Variants in CALCR observed in about 807,000 individuals in gnomAD.
The protein encoded by CALCR is calcitonin receptor.
CALCR carries 47 observed loss-of-function variants against 59.5 expected under a neutral mutation model. The ratio of observed to expected loss-of-function variants is 0.79; its 90% CI spans 0.63 to 1.01. CALCR has a LOEUF of 1.01. Ranked by LOEUF, CALCR falls within the 50% of genes least tolerant of loss-of-function variation. CALCR has a pLI of 0.00. For missense variants in CALCR, 566 were observed against 597.1 expected, an observed-to-expected ratio of 0.95 and a Z score of 0.54; for synonymous variants, 213 against 211.3, an observed-to-expected ratio of 1.01 and a Z score of -0.07.
chr7:93,568,851 C>T (rs1271215753), intron 2 of CALCR, among the ~76,000 whole-genome samples: 1 of 152,074 alleles, frequency 6.6e-6, no homozygotes, highest in South Asian at 2.1e-4. Flanking sequence ...TTCTACTTAA[C>T]ATCATCACAT....
At chr7:93,531,760 A>G (rs1584610757) in intron 2 of CALCR, among the ~76,000 whole-genome samples, 4 of 152,210 alleles carry the variant, frequency 2.6e-5, no homozygotes, top group Admixed American at 2.6e-4. Context: ...AACAAAAAGA[A>G]AAGTCCCCTA....
intron 13 of CALCR, among the ~76,000 whole-genome samples, chr7:93,429,290 T>G (rs956266515): frequency 2.0e-5 from 3 of 152,144 alleles, no homozygotes; most frequent in Non-Finnish European, 4.4e-5. Context: ...ATGACAAGAA[T>G]AAGGGCATTT....
In CALCR at chr7:93,426,499, C is replaced by T. The variant is rs1384027930; in HGVS notation, c.1282G>A (p.Ala428Thr). The T allele has an allele frequency of 1.9e-6, 3 of 1,613,518 alleles. No homozygotes were observed. Among genetic ancestry groups the T allele is most frequent in the African/African-American group, 1.3e-5 (1 of 74,878 alleles). Reference sequence around the variant, plus strand: ...CCAGCCTCCGCAGCAGCGGCTGCAGCGCGAGCAGAGCGGTTGGAGGGGCGC... The same window carrying T: ...CCAGCCTCCGCAGCAGCGGCTGCAGTGCGAGCAGAGCGGTTGGAGGGGCGC... ...GRRPSNRSAR[A>T]AAAAAEAGDI... Residue 428 changes from alanine (A) to threonine (T), a missense_variant, in exon 14 of 14, where the codon GCT (alanine) becomes ACT (threonine). Physicochemically the swap from Ala to Thr is moderately conservative, Grantham distance 58. Coordinates refer to ENST00000426151, the MANE Select transcript of CALCR (RefSeq NM_001742.4).
intron 5 of CALCR, among the ~76,000 whole-genome samples, chr7:93,475,026 T>C (rs1800638116): frequency 6.6e-6 from 1 of 151,692 alleles, no homozygotes. Context: ...ATATTTAAAA[T>C]AATTTTCTAT....
intron 8 of CALCR, among the ~76,000 whole-genome samples, chr7:93,457,792 G>A (rs1584550600): frequency 6.6e-6 from 1 of 152,234 alleles, no homozygotes; most frequent in East Asian, 1.9e-4. Flanking sequence ...CTGGTTATAG[G>A]CGGCGATCAC....
chr7:93,548,839 A>AGTGTGTGTGT (rs754317267), intron 2 of CALCR, among the ~76,000 whole-genome samples: 2,306 of 137,388 alleles, frequency 0.017, 29 homozygotes, highest in East Asian at 0.043. Context: ...ATCCAGAAGA[A>AGTGTGTGTGT]GTGTGTGTGT....
At position 93,486,931 on chromosome 7, in the gene CALCR, A is replaced by T; in HGVS notation, c.51T>A (p.Asn17Lys). ...SRCLALFLLLNHPTPILPAFS... is the reference protein window; with the variant it reads ...SRCLALFLLLKHPTPILPAFS... ...CTTTGAATACTTTTGTTTTACTTAC[A>T]TTTAGAAGAAGAAACAGTGCCAAGC... The change falls in exon 3 of 14, where the codon AAT becomes AAA. Residue 17 changes from asparagine (N) to lysine (K), a missense_variant and splice_region_variant. Coordinates refer to ENST00000426151, the MANE Select transcript of CALCR (RefSeq NM_001742.4). The T allele has an allele frequency of 3.8e-6, 6 of 1,569,374 alleles. No homozygotes were observed. The highest frequency in any genetic ancestry group is 5.2e-6 in the Non-Finnish European group (6 of 1,144,050).
intron 8 of CALCR, among the ~76,000 whole-genome samples, chr7:93,453,206 T>C (rs756204264): frequency 2.0e-5 from 3 of 152,074 alleles, no homozygotes; most frequent in African/African-American, 4.8e-5. Context: ...ATACAAATAA[T>C]GACAGCTGAT....
At chr7:93,475,693 G>T (rs1800652740) in intron 5 of CALCR, among the ~76,000 whole-genome samples, 1 of 151,680 alleles carries the variant, frequency 6.6e-6, no homozygotes, top group East Asian at 1.9e-4. Context: ...TTTTTGTTTT[G>T]TTTTAACTAA....
intron 8 of CALCR, among the ~76,000 whole-genome samples, chr7:93,450,677 A>T (rs1800090950): frequency 6.6e-6 from 1 of 151,876 alleles, no homozygotes; most frequent in Non-Finnish European, 1.5e-5. Flanking sequence ...TCTTTCTAGC[A>T]TCTCCCTGTC....
At chr7:93,443,400 G>T (rs923287859) in intron 9 of CALCR, among the ~76,000 whole-genome samples, 17 of 152,028 alleles carry the variant, frequency 1.1e-4, no homozygotes, top group African/African-American at 3.4e-4. Context: ...TCTCTGTGCA[G>T]ACCCTCATGT....
chr7:93,501,280 C>G lies in CALCR; in HGVS notation c.-26-14273G>C, dbSNP rs190034083. On this transcript the variant is annotated intron_variant, in intron 2 of 13. Transcript: ENST00000426151. ...TAATTTTTCAGGTGAACTGAACATC[C>G]TGCTTTATTCAAGAAAGCTTAGTCC... Among the ~76,000 whole-genome samples the G allele has an allele frequency of 3.9e-5, 6 of 152,162 alleles. No individual in the cohort carries two copies. The East Asian group carries it at 9.7e-4, about 25-fold the overall frequency.
intron 2 of CALCR, among the ~76,000 whole-genome samples, chr7:93,503,736 T>A (rs1253442758): frequency 6.6e-6 from 1 of 152,176 alleles, no homozygotes; most frequent in Non-Finnish European, 1.5e-5. Context: ...GTTATACTTG[T>A]CTCACCTTAA....
intron 8 of CALCR, among the ~76,000 whole-genome samples, chr7:93,454,617 A>C (rs1800171606): frequency 7.5e-6 from 1 of 133,018 alleles, no homozygotes; most frequent in African/African-American, 3.9e-5. Flanking sequence ...AGATAGAACA[A>C]AAAAAAAAAA....
At chr7:93,430,938 T>C in intron 13 of CALCR, among the ~76,000 whole-genome samples, 1 of 152,244 alleles carries the variant, frequency 6.6e-6, no homozygotes, top group Non-Finnish European at 1.5e-5. Context: ...GACATTGTAT[T>C]GAAAATCAGG....
At chr7:93,461,637 G>A (rs1395494441) in intron 7 of CALCR, among the ~76,000 whole-genome samples, 3 of 152,154 alleles carry the variant, frequency 2.0e-5, no homozygotes, top group Admixed American at 6.5e-5. Context: ...AGCTATCCAA[G>A]TGCTGCTGCT....
chr7:93,461,729 T>C (rs765986686), intron 7 of CALCR, among the ~76,000 whole-genome samples: 1 of 152,170 alleles, frequency 6.6e-6, no homozygotes, highest in Non-Finnish European at 1.5e-5. Context: ...TTCATAAAGT[T>C]GTACATATGT....
intron 8 of CALCR, among the ~76,000 whole-genome samples, chr7:93,449,003 C>T (rs1800057747): frequency 6.6e-6 from 1 of 151,842 alleles, no homozygotes; most frequent in Non-Finnish European, 1.5e-5. Context: ...AACCACATTA[C>T]CCACTATACA....
chr7:93,565,198 A>G (rs1171978441), intron 2 of CALCR, among the ~76,000 whole-genome samples: 1 of 152,194 alleles, frequency 6.6e-6, no homozygotes. Context: ...TCATGGCAGA[A>G]CTATTACCTC....
Sources: allele counts gnomAD v4.1 joint callset (sites outside exome capture counted in the v4.1 genomes callset), GRCh38; gene constraint gnomAD v4.1.1; transcripts MANE v1.5; gene names NCBI Gene and HGNC (gene_info 2026-07-23, HGNC 2026-07-21).